The following MAST4 variants were observed in gnomAD, a reference collection of about 807,000 sequenced individuals.
MAST4 encodes the protein microtubule associated serine/threonine kinase family member 4, also known as microtubule-associated serine/threonine-protein kinase 4.
MAST4 carries 89 observed loss-of-function variants against 162.7 expected under a neutral mutation model. The ratio of observed to expected loss-of-function variants is 0.55; its 90% CI spans 0.46 to 0.65. The LOEUF (loss-of-function observed/expected upper bound fraction) is 0.65. MAST4 is among the 30% of genes least tolerant of loss of function. The pLI is 0.00. For missense variants in MAST4, 3,153 were observed against 3,374.0 expected (o/e 0.93, Z 1.62); for synonymous variants, 1,479 against 1,361.1 (o/e 1.09, Z -1.91).
At chr5:67,136,981 C>T (rs991752288) in intron 19 of MAST4, among the ~76,000 whole-genome samples, 3 of 152,188 alleles carry the variant, frequency 2.0e-5, no homozygotes. Context: ...TGTAACTCTT[C>T]TATCCCGAAA....
intron 4 of MAST4, among the ~76,000 whole-genome samples, chr5:66,934,014 G>C (rs1361216318): frequency 1.3e-5 from 2 of 151,766 alleles, no homozygotes; most frequent in African/African-American, 4.8e-5. Context: ...TGTTTATAAA[G>C]AAAAAAGTCA....
rs573023580 is a variant in MAST4 at position 66,994,847 on chromosome 5, G to A, written c.675-59557G>A. Among the ~76,000 whole-genome samples, 3 of 152,306 alleles carry A rather than the reference G, an allele frequency of 2.0e-5. No individual in the cohort carries two copies. The South Asian group carries it at 6.2e-4, about 32-fold the overall frequency. ...TTTATTATATTCATGTCTAGATAATGTTAAAAGTAAGTTTGCTTCTCAAGA... is the reference window on the plus strand; with the variant it reads ...TTTATTATATTCATGTCTAGATAATATTAAAAGTAAGTTTGCTTCTCAAGA... On this transcript the variant is annotated intron_variant, in intron 4 of 28. Coordinates refer to ENST00000403625, the MANE Select transcript of MAST4 (RefSeq NM_001164664.2).
chr5:66,803,341 G>A (rs1756015285), intron 3 of MAST4, among the ~76,000 whole-genome samples: 1 of 152,112 alleles, frequency 6.6e-6, no homozygotes. Context: ...TCATGCCATG[G>A]TTGTTCTTCA....
At chr5:67,060,931 T>C (rs888163284) in intron 5 of MAST4, among the ~76,000 whole-genome samples, 9 of 152,206 alleles carry the variant, frequency 5.9e-5, no homozygotes, top group Non-Finnish European at 1.2e-4. Context: ...TGTGACTGTT[T>C]CGTTTTAAAA....
At chr5:66,634,482 TTTG>T (rs535205874) in intron 1 of MAST4, among the ~76,000 whole-genome samples, 12 of 152,210 alleles carry the variant, frequency 7.9e-5, no homozygotes, top group South Asian at 2.1e-4. Context: ...ATCATGGATT[TTTG>T]TTGTTGTTTT....
intron 4 of MAST4, among the ~76,000 whole-genome samples, chr5:66,933,578 G>T (rs7444689): frequency 0.042 from 6,420 of 152,158 alleles, 211 homozygotes; most frequent in Middle Eastern, 0.068. Flanking sequence ...AAACATGTGT[G>T]CATGTTGCTC....
Position 67,165,543 on chromosome 5 carries a change from A to G in MAST4, c.6364A>G (p.Lys2122Glu). ...QKDGAKEPER[K>E]EQPLQRHPSS... ...AGATGGTGCCAAGGAACCTGAAAGG[A>G]AGGAGCAGCCTCTACAAAGGCATCC... Residue 2122 changes from lysine (K) to glutamate (E), a missense_variant, in exon 29 of 29, where the codon AAG (lysine) becomes GAG (glutamate). Lys to Glu is a moderately conservative substitution (Grantham distance 56). Around this residue, in one of 7 missense-constraint regions of MAST4, gnomAD observed 1,644 missense variants for 1,495.0 expected, o/e 1.10. Coordinates refer to ENST00000403625, the MANE Select transcript of MAST4 (RefSeq NM_001164664.2). The G allele has an allele frequency of 6.2e-7, 1 of 1,614,004 alleles. No individual in the cohort carries two copies.
At chr5:67,086,064 A>G (rs1477908237) in intron 5 of MAST4, among the ~76,000 whole-genome samples, 1 of 152,216 alleles carries the variant, frequency 6.6e-6, no homozygotes, top group East Asian at 1.9e-4. Context: ...TAAGAAACAC[A>G]GCACTGATTG....
rs771833732 is a variant in MAST4 at position 66,788,729 on chromosome 5, T to G, written c.577T>G (p.Ser193Ala). Residue 193 changes from serine to alanine, a missense_variant, in exon 3 of 29, where the codon TCC (serine) becomes GCC (alanine). Around this residue, in one of 7 missense-constraint regions of MAST4, gnomAD observed 327 missense variants for 336.5 expected, o/e 0.97. Coordinates refer to ENST00000403625, the MANE Select transcript of MAST4 (RefSeq NM_001164664.2). ...GQAWPASAETSNLVRMRSQAL... is the reference protein window; with the variant it reads ...GQAWPASAETANLVRMRSQAL... The stretch of plus-strand genomic sequence containing the variant: ...GGCCTGGCCGGCCTCTGCAGAGACG[T>G]CCAACCTCGTGCGCATGCGCAGCCA... 6.8e-6 allele frequency: 11 copies of G among 1,613,126 alleles called. No individual in the cohort carries two copies. Among genetic ancestry groups the G allele is most frequent in the Admixed American group, 3.3e-5 (2 of 59,940 alleles).
intron 10 of MAST4, among the ~76,000 whole-genome samples, chr5:67,106,816 G>A (rs998127680): frequency 2.0e-5 from 3 of 152,136 alleles, no homozygotes; most frequent in Non-Finnish European, 2.9e-5. Flanking sequence ...TTGAGCAACA[G>A]GAGTCACCTC....
At chr5:66,828,340 G>T (rs906623739) in intron 3 of MAST4, among the ~76,000 whole-genome samples, 1 of 152,112 alleles carries the variant, frequency 6.6e-6, no homozygotes, top group African/African-American at 2.4e-5. Context: ...AGAGATGAGC[G>T]CCAGGCATAG....
At chr5:66,601,592 G>T (rs1028369988) in intron 1 of MAST4, among the ~76,000 whole-genome samples, 4 of 152,144 alleles carry the variant, frequency 2.6e-5, no homozygotes, top group Non-Finnish European at 5.9e-5. Context: ...GTGGGGGAGG[G>T]CAAGGGAAGG....
At chr5:66,715,769 G>A (rs1750801041) in intron 1 of MAST4, among the ~76,000 whole-genome samples, 1 of 147,582 alleles carries the variant, frequency 6.8e-6, no homozygotes, top group Non-Finnish European at 1.5e-5. Flanking sequence ...AATTACTGTT[G>A]AAATATTGCT....
chr5:66,890,373 A>G (rs187025611), intron 3 of MAST4, among the ~76,000 whole-genome samples: 34 of 152,288 alleles, frequency 2.2e-4, no homozygotes, highest in African/African-American at 8.2e-4. Flanking sequence ...TATGTGTACA[A>G]ATGTCTGATT....
At chr5:66,959,279 C>T (rs761276189) in intron 4 of MAST4, 11 of 779,578 alleles carry the variant, frequency 1.4e-5, no homozygotes, top group Middle Eastern at 2.2e-4. Context: ...CTACAGATTC[C>T]GGGGCTGACC....
At chr5:66,794,824 C>T (rs168911) in intron 3 of MAST4, among the ~76,000 whole-genome samples, 125,765 of 152,180 alleles carry the variant, frequency 0.83, 52,065 homozygotes, top group Non-Finnish European at 0.85. Context: ...GGAGAAATTA[C>T]ATTTCATGAT....
At chr5:66,804,717 G>A (rs1045622015) in intron 3 of MAST4, among the ~76,000 whole-genome samples, 1 of 152,100 alleles carries the variant, frequency 6.6e-6, no homozygotes, top group Non-Finnish European at 1.5e-5. Context: ...GTTTAAGAGT[G>A]GACTCTTCTG....
At chr5:66,733,682 C>G (rs548484636) in intron 1 of MAST4, among the ~76,000 whole-genome samples, 1 of 152,264 alleles carries the variant, frequency 6.6e-6, no homozygotes, top group Admixed American at 6.5e-5. Flanking sequence ...TGGTCTCAAA[C>G]TCCTGACCTC....
rs114089299 is a variant in MAST4 at position 67,081,304 on chromosome 5, T to C, written c.764-8858T>C. 2.0e-3 allele frequency among the ~76,000 whole-genome samples: 302 copies of C among 151,300 alleles called. 2 individuals are homozygous for C. The highest frequency in any genetic ancestry group is 6.9e-3 in the African/African-American group (284 of 41,186). On this transcript the variant is annotated intron_variant, in intron 5 of 28. Transcript: ENST00000403625. ...ACCCAGGAGGATACCTGTGGGCATT[T>C]GGGACTTCTGGATAATTGACATGGT...
Sources: allele counts gnomAD v4.1 joint callset (sites outside exome capture counted in the v4.1 genomes callset), GRCh38; gene constraint gnomAD v4.1.1; regional missense constraint gnomAD v4.1.1; transcripts MANE v1.5; gene names NCBI Gene and HGNC (gene_info 2026-07-23, HGNC 2026-07-21).